Variants in LRRK1 observed in about 807,000 individuals in gnomAD.
LRRK1 encodes the protein leucine rich repeat kinase 1.
LRRK1 carries 113 observed loss-of-function variants against 209.1 expected under a neutral mutation model. That is an observed-to-expected ratio of 0.54 (90% CI 0.46 to 0.63). The LOEUF (loss-of-function observed/expected upper bound fraction) is 0.63, where lower values mean the gene tolerates loss of function less well. Among genes scored for constraint, LRRK1 ranks in the 30% least tolerant of loss-of-function variants. The pLI is 0.00. For missense variants in LRRK1, 2,284 were observed against 2,632.2 expected (o/e 0.87, Z 2.89); for synonymous variants, 1,144 against 1,099.7 (o/e 1.04, Z -0.80).
At chr15:100,962,823 A>ATATATACGTAT in intron 2 of LRRK1, among the ~76,000 whole-genome samples, 1 of 11,544 alleles carries the variant, frequency 8.7e-5, no homozygotes, top group African/African-American at 2.5e-4. Flanking sequence ...ATATATATAT[A>ATATATACGTAT]TTTTTTTTTT....
chr15:100,986,614 G>A lies in LRRK1; in HGVS notation c.434-2020G>A, dbSNP rs550062914. ...GTTGGCCAGAGAGCAGCCCGAAGAA[G>A]CTAGAGCTGCTTGCTTTCATTCAGT... is the stretch of plus-strand genomic sequence containing the variant. On this transcript the variant is annotated intron_variant, in intron 4 of 33. Coordinates refer to ENST00000388948, the MANE Select transcript of LRRK1 (RefSeq NM_024652.6). Among the ~76,000 whole-genome samples the A allele has an allele frequency of 7.2e-5, 11 of 152,356 alleles. No individual in the cohort carries two copies. In the South Asian group the frequency reaches 2.1e-3, roughly 29 times the overall value.
chr15:101,017,063 A>G (rs1248012646), intron 12 of LRRK1, among the ~76,000 whole-genome samples: 4 of 152,276 alleles, frequency 2.6e-5, no homozygotes, highest in Admixed American at 6.5e-5. Context: ...CAAAGCTACA[A>G]CTTCCAAAGC....
Position 101,073,438 on chromosome 15 carries a change from C to T in LRRK1, c.*4590C>T, listed in dbSNP as rs1004086115. On this transcript the variant is annotated 3_prime_UTR_variant, in exon 34 of 34. Transcript: ENST00000388948. ...GAATGGGCAAGGACCCCAACCCCTT[C>T]TCTCCGTGTCTCTACCCCTTCTCCG... 1.3e-5 allele frequency: 2 copies of T among 152,240 alleles called. No homozygotes were observed. The highest frequency in any genetic ancestry group is 4.8e-5 in the African/African-American group (2 of 41,446). 9.4% of individuals were successfully genotyped at this position (152,240 alleles called of 1,614,324 possible).
chr15:101,005,319 C>T (rs187845663), intron 6 of LRRK1, among the ~76,000 whole-genome samples: 4 of 152,012 alleles, frequency 2.6e-5, no homozygotes, highest in East Asian at 1.9e-4. Context: ...CTTTGCAAGA[C>T]GACCACCGGA....
intron 6 of LRRK1, among the ~76,000 whole-genome samples, chr15:100,994,156 G>A (rs944104797): frequency 2.0e-5 from 3 of 152,180 alleles, no homozygotes; most frequent in African/African-American, 7.2e-5. Flanking sequence ...GCAGGGAATA[G>A]CATCTGTTTT....
At chr15:100,964,102 T>C (rs1199427526) in intron 2 of LRRK1, among the ~76,000 whole-genome samples, 2 of 152,050 alleles carry the variant, frequency 1.3e-5, no homozygotes, top group Non-Finnish European at 1.5e-5. Flanking sequence ...GCCAGAACTG[T>C]TAGTGAGAGC....
chr15:100,966,368 G>A (rs2030460117), intron 2 of LRRK1, among the ~76,000 whole-genome samples: 1 of 152,128 alleles, frequency 6.6e-6, no homozygotes, highest in Admixed American at 6.5e-5. Flanking sequence ...TTTTCAGTGA[G>A]AATGTGTTCT....
rs2036677156 is a variant in LRRK1, at chr15:101,068,913, C to T, written c.*65C>T. On this transcript the variant is annotated 3_prime_UTR_variant, in exon 34 of 34. Coordinates refer to ENST00000388948, the MANE Select transcript of LRRK1 (RefSeq NM_024652.6). ...CCGGGGCTGCAGCCTGACCCCTCTG[C>T]CATCGGCCTCTAGTTCTCCAAGGAC... 1 of 1,449,892 alleles carries T rather than the reference C, an allele frequency of 6.9e-7. No individual in the cohort carries two copies. The highest frequency in any genetic ancestry group is 9.3e-7 in the Non-Finnish European group (1 of 1,076,932). 89.8% of individuals were successfully genotyped at this position (1,449,892 alleles called of 1,614,324 possible). A position where few individuals can be genotyped will look rare whatever the true frequency, so the allele number is the denominator to read the frequency against.
chr15:100,926,460 G>A (rs948296771), intron 2 of LRRK1, among the ~76,000 whole-genome samples: 17 of 151,832 alleles, frequency 1.1e-4, no homozygotes, highest in African/African-American at 7.3e-5. Flanking sequence ...CACAGGAGGC[G>A]CTGCTCCCTC....
At position 101,021,140 on chromosome 15, in the gene LRRK1, C is replaced by T. The variant is rs141522582; in HGVS notation, c.1697C>T (p.Ser566Leu). 1.4e-5 allele frequency: 22 copies of T among 1,614,132 alleles called. No individual in the cohort carries two copies. The highest frequency in any genetic ancestry group is 1.6e-5 in the Non-Finnish European group (19 of 1,180,004). Residue 566 changes from serine (S) to leucine (L), a missense_variant, in exon 13 of 34, where the codon TCG becomes TTG. By Grantham distance (145) the Ser-to-Leu change is moderately radical. Coordinates refer to ENST00000388948, the MANE Select transcript of LRRK1 (RefSeq NM_024652.6). Reference protein sequence around the residue: ...NDNHLDTVPPSVCLLKSLSEL... With the variant: ...NDNHLDTVPPLVCLLKSLSEL... ...AACCACCTCGACACAGTCCCTCCCTCGGTTTGCCTACTGAAGAGCTTATCA... is the reference window on the plus strand; with the variant it reads ...AACCACCTCGACACAGTCCCTCCCTTGGTTTGCCTACTGAAGAGCTTATCA...
In LRRK1 at chr15:101,075,034, G is replaced by A. The variant is rs1489188329; in HGVS notation, c.*6186G>A. The A allele has an allele frequency of 2.9e-5, 3 of 103,488 alleles. No homozygotes were observed. The highest frequency in any genetic ancestry group is 6.3e-5 in the Non-Finnish European group (3 of 47,354). 6.4% of individuals were successfully genotyped at this position (103,488 alleles called of 1,614,324 possible). On this transcript the variant is annotated 3_prime_UTR_variant, in exon 34 of 34. Transcript: ENST00000388948. ...AGACTGACACTGCCCGATCACCTCGGAAGCCCCCTAGACCATCACGGACGC... is the reference window on the plus strand; with the variant it reads ...AGACTGACACTGCCCGATCACCTCGAAAGCCCCCTAGACCATCACGGACGC...
intron 2 of LRRK1, among the ~76,000 whole-genome samples, chr15:100,957,998 T>C (rs544825108): frequency 7.2e-4 from 109 of 152,242 alleles, no homozygotes; most frequent in African/African-American, 2.4e-3. Flanking sequence ...CCTGAGTAGC[T>C]GGGATTACAG....
At position 101,055,006 on chromosome 15, in the gene LRRK1, C is replaced by G. The variant is rs766947451; in HGVS notation, c.4115C>G (p.Ser1372Trp). 8 of 1,613,936 alleles carry G rather than the reference C, an allele frequency of 5.0e-6. No homozygotes were observed. The highest frequency in any genetic ancestry group is 1.1e-5 in the South Asian group (1 of 91,068). Residue 1372 changes from serine (S) to tryptophan (W), a missense_variant, in exon 27 of 34, where the codon TCG (serine) becomes TGG (tryptophan). Physicochemically the swap from Ser to Trp is radical, Grantham distance 177. Transcript: ENST00000388948. ...CAAAAAATAGCCTACCAGATCGCCT[C>G]GGGCCTGGCCTACCTGCACAAGAAA... is the stretch of plus-strand genomic sequence containing the variant. The part of the protein sequence containing the change: ...LTQKIAYQIA[S>W]GLAYLHKKNI...
At chr15:101,039,681 T>G (rs570884213) in intron 20 of LRRK1, among the ~76,000 whole-genome samples, 1 of 152,322 alleles carries the variant, frequency 6.6e-6, no homozygotes, top group African/African-American at 2.4e-5. Context: ...AAGCATTCAG[T>G]CTTTCACCAT....
chr15:100,944,395 C>G (rs911755483), intron 2 of LRRK1, among the ~76,000 whole-genome samples: 5 of 152,162 alleles, frequency 3.3e-5, no homozygotes, highest in African/African-American at 9.7e-5. Context: ...GACTGAGGAT[C>G]TTCTCAGAGT....
chr15:100,991,286 T>TA (rs1405148852), intron 6 of LRRK1, among the ~76,000 whole-genome samples: 2 of 152,232 alleles, frequency 1.3e-5, no homozygotes, highest in African/African-American at 4.8e-5. Context: ...TGTTCATTAG[T>TA]TTTTTTCAAA....
At chr15:100,968,466 A>T (rs973260609) in intron 2 of LRRK1, among the ~76,000 whole-genome samples, 4 of 152,138 alleles carry the variant, frequency 2.6e-5, no homozygotes, top group African/African-American at 9.7e-5. Flanking sequence ...AGGTATGAAC[A>T]TTCTGGTTGC....
At chr15:100,999,948 A>G (rs545194370) in intron 6 of LRRK1, among the ~76,000 whole-genome samples, 1 of 152,326 alleles carries the variant, frequency 6.6e-6, no homozygotes, top group East Asian at 1.9e-4. Flanking sequence ...TTTCTCATTT[A>G]TCTGGTTTCA....
intron 4 of LRRK1, among the ~76,000 whole-genome samples, chr15:100,987,561 T>C (rs2031939604): frequency 6.6e-6 from 1 of 152,160 alleles, no homozygotes; most frequent in African/African-American, 2.4e-5. Flanking sequence ...ATTATTATTA[T>C]TCATGAAAGT....
Sources: allele counts gnomAD v4.1 joint callset (sites outside exome capture counted in the v4.1 genomes callset), GRCh38; gene constraint gnomAD v4.1.1; transcripts MANE v1.5; gene names NCBI Gene and HGNC (gene_info 2026-07-23, HGNC 2026-07-21).